STK4: variants seen among roughly 807,000 people sequenced by gnomAD.
STK4 encodes the protein serine/threonine kinase 4, also known as serine/threonine-protein kinase 4.
Under a neutral mutation model 64.9 loss-of-function variants are expected in STK4, and 30 were observed. That is an observed-to-expected ratio of 0.46 (90% confidence interval 0.35 to 0.63). The LOEUF is 0.63. Ranked by LOEUF, STK4 falls within the 20% of genes least tolerant of loss-of-function variation. The pLI, the probability that STK4 is intolerant of heterozygous loss-of-function variation, is 0.01. For missense variants in STK4, 466 were observed against 598.5 expected (o/e 0.78, Z 2.31); for synonymous variants, 177 against 199.0 (o/e 0.89, Z 0.93).
At chr20:45,016,655 AT>A (rs1332262987) in intron 9 of STK4, among the ~76,000 whole-genome samples, 5 of 152,190 alleles carry the variant, frequency 3.3e-5, no homozygotes, top group Non-Finnish European at 7.3e-5. Context: ...GCCAGACCAC[AT>A]TTTAGGATAT....
rs575247208 is a variant in STK4, at chr20:45,027,668, A to G, written c.1305+2538A>G. On this transcript the variant is annotated intron_variant, in intron 10 of 10. Coordinates refer to ENST00000372806, the MANE Select transcript of STK4 (RefSeq NM_006282.5). ...GTTTTGAAGTATACAATAAATTATT[A>G]ACTATAATTTTCCTACTGTACTATC... Among the ~76,000 whole-genome samples the G allele has an allele frequency of 1.4e-4, 22 of 152,230 alleles. 1 individual carries two copies. The South Asian group carries it at 4.1e-3, about 29-fold the overall frequency.
At chr20:45,074,321 T>G (rs1276377369) in intron 10 of STK4, among the ~76,000 whole-genome samples, 1 of 152,216 alleles carries the variant, frequency 6.6e-6, no homozygotes, top group Non-Finnish European at 1.5e-5. Flanking sequence ...TTAATTTATA[T>G]ATCAACTCAT....
intron 5 of STK4, among the ~76,000 whole-genome samples, chr20:44,990,254 G>A (rs998549524): frequency 6.6e-6 from 1 of 152,140 alleles, no homozygotes; most frequent in African/African-American, 2.4e-5. Flanking sequence ...AGTTTTGCAT[G>A]TATTTGGTTA....
intron 9 of STK4, among the ~76,000 whole-genome samples, chr20:45,014,514 A>T (rs991706581): frequency 1.3e-5 from 2 of 152,238 alleles, no homozygotes; most frequent in African/African-American, 4.8e-5. Context: ...TTAAATATTT[A>T]AAAAGTATAT....
chr20:45,053,214 G>A, intron 10 of STK4: 1 of 1,526,176 alleles, frequency 6.6e-7, no homozygotes, highest in Non-Finnish European at 9.1e-7. Context: ...CAGAACCACA[G>A]TAGCCTGGTT....
At chr20:45,070,316 G>A (rs1241001153) in intron 10 of STK4, among the ~76,000 whole-genome samples, 1 of 152,206 alleles carries the variant, frequency 6.6e-6, no homozygotes, top group Non-Finnish European at 1.5e-5. Context: ...GTTTGTTGCT[G>A]TGAGATGATG....
chr20:45,025,891 C>G (rs2068335569), intron 10 of STK4, among the ~76,000 whole-genome samples: 1 of 152,208 alleles, frequency 6.6e-6, no homozygotes, highest in Admixed American at 6.5e-5. Flanking sequence ...CTGTCTAGTT[C>G]TGGCTTTCCA....
intron 9 of STK4, among the ~76,000 whole-genome samples, chr20:45,012,795 TC>T (rs1555813912): frequency 0.25 from 30,376 of 121,942 alleles, 4,053 homozygotes; most frequent in Middle Eastern, 0.35. Flanking sequence ...TTCTTCTTCT[TC>T]TTCTTTTTTT....
chr20:45,027,550 G>T (rs2068374636), intron 10 of STK4, among the ~76,000 whole-genome samples: 1 of 151,752 alleles, frequency 6.6e-6, no homozygotes, highest in African/African-American at 2.4e-5. Flanking sequence ...TTTAGTACCT[G>T]TTCATAATGT....
chr20:44,979,191 T>A (rs2067393312), intron 3 of STK4, among the ~76,000 whole-genome samples: 1 of 152,162 alleles, frequency 6.6e-6, no homozygotes, highest in South Asian at 2.1e-4. Context: ...GTGATAATGA[T>A]CTTTTTTACT....
rs115349778 is a variant in STK4, at chr20:45,009,620, G to A, written c.1147+8267G>A. Among the ~76,000 whole-genome samples, 1,447 of 152,150 alleles carry A rather than the reference G, an allele frequency of 9.5e-3. 31 individuals carry two copies. The highest frequency in any genetic ancestry group is 0.033 in the African/African-American group (1,366 of 41,498). On this transcript the variant is annotated intron_variant, in intron 9 of 10. Coordinates refer to ENST00000372806, the MANE Select transcript of STK4 (RefSeq NM_006282.5). The stretch of plus-strand genomic sequence containing the variant: ...TAGTATGGAATCTGTAAATTGCTTC[G>A]GAGAGTATATACATTTTAATTATAT...
intron 5 of STK4, among the ~76,000 whole-genome samples, chr20:44,988,597 A>G (rs1280433020): frequency 7.3e-6 from 1 of 137,634 alleles, no homozygotes; most frequent in African/African-American, 2.7e-5. Context: ...AATTTTAGTA[A>G]TTGATTGATT....
chr20:45,064,913 C>G (rs930906661), intron 10 of STK4, among the ~76,000 whole-genome samples: 8 of 152,140 alleles, frequency 5.3e-5, no homozygotes, highest in Non-Finnish European at 8.8e-5. Flanking sequence ...AGTTTGACTT[C>G]CCTTCTTCCT....
chr20:45,014,575 A>G (rs1234654888), intron 9 of STK4, among the ~76,000 whole-genome samples: 3 of 152,178 alleles, frequency 2.0e-5, no homozygotes, highest in African/African-American at 7.2e-5. Context: ...TAACAAAAAC[A>G]TTTTGGAGCA....
intron 2 of STK4, chr20:44,972,408 C>T: frequency 2.9e-6 from 1 of 343,586 alleles, no homozygotes. Context: ...ATCTACTTAA[C>T]AGATAGCACT....
chr20:44,982,060 C>A, intron 4 of STK4, 117 bp downstream of exon 4: 1 of 646,328 alleles, frequency 1.5e-6, no homozygotes, highest in Non-Finnish European at 2.7e-6. Context: ...TTCCCCTTTT[C>A]CATGGTTATT....
chr20:44,991,254 G>T (rs2067628383), intron 5 of STK4, among the ~76,000 whole-genome samples: 1 of 152,158 alleles, frequency 6.6e-6, no homozygotes, highest in African/African-American at 2.4e-5. Flanking sequence ...ACAGTTGGAT[G>T]TTGGGTGCCC....
intron 9 of STK4, among the ~76,000 whole-genome samples, chr20:45,023,312 A>G (rs1380583565): frequency 6.6e-6 from 1 of 152,204 alleles, no homozygotes; most frequent in African/African-American, 2.4e-5. Flanking sequence ...GAACTTAGCA[A>G]TGGTGATAGT....
At chr20:45,019,707 C>T (rs2068208942) in intron 9 of STK4, among the ~76,000 whole-genome samples, 1 of 152,182 alleles carries the variant, frequency 6.6e-6, no homozygotes, top group South Asian at 2.1e-4. Flanking sequence ...TCCATTCTTT[C>T]TACGGCTTTA....
Sources: gnomAD v4.1 joint callset for allele counts (sites outside exome capture counted in the v4.1 genomes callset) on GRCh38, gnomAD v4.1.1 for gene constraint, MANE v1.5 for transcripts, NCBI Gene and HGNC (gene_info 2026-07-23, HGNC 2026-07-21) for gene names.